The following SVOP variants were observed in gnomAD, a reference collection of about 807,000 sequenced individuals.
SVOP encodes synaptic vesicle 2-related protein.
In SVOP, 17 loss-of-function variants were observed where a neutral mutation model predicts 69.1. The observed-to-expected ratio is 0.25, with a 90% CI of 0.17 to 0.37. The LOEUF (loss-of-function observed/expected upper bound fraction) is 0.37. Among genes scored for constraint, SVOP ranks in the 10% least tolerant of loss-of-function variants. The pLI is 1.00. For synonymous variants in SVOP, 238 were observed against 238.6 expected (o/e 1.00, Z 0.02); for missense variants, 435 against 597.5 (o/e 0.73, Z 2.84).
At chr12:108,994,659 A>G (rs1215804432) in intron 1 of SVOP, among the ~76,000 whole-genome samples, 1 of 152,234 alleles carries the variant, frequency 6.6e-6, no homozygotes, top group African/African-American at 2.4e-5. Context: ...GCCCAAGGTC[A>G]CACAGTAAGT....
In SVOP at chr12:108,969,950, T is replaced by G. The variant is rs567786421; in HGVS notation, c.453+2455A>C. ...GGAGCCCCAGAGAGGCCTTTCCAAC[T>G]GCCATCTCCAGCCCCATCACCGGCC... On this transcript the variant is annotated intron_variant, in intron 5 of 15. Coordinates refer to ENST00000610966, the MANE Select transcript of SVOP (RefSeq NM_018711.5). Among the ~76,000 whole-genome samples, 263 of 152,260 alleles carry G rather than the reference T, an allele frequency of 1.7e-3. 1 individual carries two copies. Among genetic ancestry groups the G allele is most frequent in the African/African-American group, 6.1e-3 (253 of 41,560 alleles).
At chr12:108,932,891 G>GT (rs1347446120) in intron 11 of SVOP, among the ~76,000 whole-genome samples, 1 of 150,416 alleles carries the variant, frequency 6.6e-6, no homozygotes, top group Non-Finnish European at 1.5e-5. Flanking sequence ...TTTTTTTTTC[G>GT]TTTTTGAAAT....
intron 1 of SVOP, among the ~76,000 whole-genome samples, chr12:108,996,969 G>A (rs1003439234): frequency 4.6e-5 from 7 of 151,932 alleles, no homozygotes; most frequent in South Asian, 2.1e-4. Context: ...CAAGATGGCC[G>A]AATAGGAACA....
intron 1 of SVOP, among the ~76,000 whole-genome samples, chr12:108,995,708 C>G (rs1302186681): frequency 6.6e-6 from 1 of 152,034 alleles, no homozygotes; most frequent in African/African-American, 2.4e-5. Flanking sequence ...TGAAACCAGC[C>G]TGGCCAACAT....
At chr12:108,943,803 C>T (rs1159392213) in intron 7 of SVOP, among the ~76,000 whole-genome samples, 3 of 150,776 alleles carry the variant, frequency 2.0e-5, no homozygotes, top group Non-Finnish European at 4.4e-5. Context: ...TTCTTCTTCT[C>T]TTTCTCCTCC....
chr12:108,950,351 C>G (rs998610785), intron 6 of SVOP, among the ~76,000 whole-genome samples: 1 of 150,522 alleles, frequency 6.6e-6, no homozygotes, highest in African/African-American at 2.4e-5. Context: ...AGTGCTGGAA[C>G]TACAGGCATG....
intron 9 of SVOP, 106 bp from the exon 10 acceptor site, chr12:108,937,443 A>T (rs1281374867): frequency 3.7e-6 from 4 of 1,077,556 alleles, no homozygotes; most frequent in African/African-American, 3.1e-5. Flanking sequence ...GAAGGTTTCT[A>T]GTAAGTAGGA....
chr12:108,976,837 A>G (rs903152726), intron 4 of SVOP, among the ~76,000 whole-genome samples: 1 of 151,226 alleles, frequency 6.6e-6, no homozygotes, highest in Non-Finnish European at 1.5e-5. Context: ...CTGGTCTCGA[A>G]CTCCTGACCT....
intron 4 of SVOP, among the ~76,000 whole-genome samples, chr12:108,975,130 A>G (rs1203826247): frequency 2.0e-5 from 3 of 152,230 alleles, no homozygotes; most frequent in African/African-American, 7.2e-5. Flanking sequence ...TTATGTGCTA[A>G]GTGATATTCT....
chr12:108,977,426 G>C lies in SVOP; in HGVS notation c.353C>G (p.Pro118Arg). 6.5e-7 allele frequency: 1 copy of C among 1,537,202 alleles called. No homozygotes were observed. The highest frequency in any genetic ancestry group is 1.2e-5 in the South Asian group (1 of 84,046). ...GGTCAGCAATGCCACCTGCCAGCTT[G>C]GGAGCCTCCACTCGCAATGCAGCTG... ...APQLHCEWRLPSWQVALLTSV... is the reference protein window; with the variant it reads ...APQLHCEWRLRSWQVALLTSV... The change falls in exon 4 of 16, where the codon CCA (proline) becomes CGA (arginine). Residue 118 changes from proline to arginine, a missense_variant. Coordinates refer to ENST00000610966, the MANE Select transcript of SVOP (RefSeq NM_018711.5).
At chr12:108,953,311 A>G (rs1350876258) in intron 6 of SVOP, among the ~76,000 whole-genome samples, 1 of 151,792 alleles carries the variant, frequency 6.6e-6, no homozygotes, top group Admixed American at 6.6e-5. Flanking sequence ...ACCACGCCCA[A>G]CTAATTTTGT....
At chr12:108,988,165 T>G (rs957302123) in intron 1 of SVOP, among the ~76,000 whole-genome samples, 1 of 152,118 alleles carries the variant, frequency 6.6e-6, no homozygotes, top group East Asian at 1.9e-4. Context: ...GCTAAAGCGA[T>G]CTACCCACCT....
intron 11 of SVOP, among the ~76,000 whole-genome samples, chr12:108,930,301 G>T (rs2039808617): frequency 6.6e-6 from 1 of 152,150 alleles, no homozygotes; most frequent in South Asian, 2.1e-4. Context: ...GAGACAGACT[G>T]GTACTGCCAA....
intron 9 of SVOP, 60 bp from the exon 10 acceptor site, chr12:108,937,397 C>T (rs1267443027): frequency 2.6e-6 from 4 of 1,529,634 alleles, no homozygotes; most frequent in South Asian, 2.2e-5. Flanking sequence ...GGGAGATGGG[C>T]TGGTGGCCTG....
chr12:108,980,151 C>T (rs1318736597), intron 2 of SVOP, among the ~76,000 whole-genome samples: 4 of 152,026 alleles, frequency 2.6e-5, no homozygotes, highest in Non-Finnish European at 1.5e-5. Flanking sequence ...GCACTCCAGC[C>T]TGGGTGACAG....
At chr12:108,951,276 C>T (rs963994958) in intron 6 of SVOP, among the ~76,000 whole-genome samples, 1 of 152,208 alleles carries the variant, frequency 6.6e-6, no homozygotes, top group Non-Finnish European at 1.5e-5. Context: ...AGGTTTCCCA[C>T]CGCAGCCGCT....
At chr12:109,012,474 A>G (rs1486310107) in intron 1 of SVOP, among the ~76,000 whole-genome samples, 1 of 152,228 alleles carries the variant, frequency 6.6e-6, no homozygotes, top group Non-Finnish European at 1.5e-5. Flanking sequence ...TAGCTATTTC[A>G]CAATTACACG....
rs1036022317 is a variant in SVOP at position 108,912,332 on chromosome 12, C to A, written c.*203G>T. ...AAGCTTTCACCACATATACAGAGAA[C>A]CCCCTAGAGCAAACATCTCCCCATC... On this transcript the variant is annotated 3_prime_UTR_variant, in exon 16 of 16. Coordinates refer to ENST00000610966, the MANE Select transcript of SVOP (RefSeq NM_018711.5). 12 of 1,435,542 alleles carry A rather than the reference C, an allele frequency of 8.4e-6. No individual in the cohort carries two copies. In the African/African-American group the frequency reaches 1.7e-4, roughly 21 times the overall value. 88.9% of individuals were successfully genotyped at this position (1,435,542 alleles called of 1,614,324 possible).
chr12:108,918,179 C>T, intron 13 of SVOP, 55 bp from the exon 14 acceptor site: 1 of 1,436,136 alleles, frequency 7.0e-7, no homozygotes, highest in Non-Finnish European at 9.4e-7. Flanking sequence ...CTTGTTTCAG[C>T]ATAGTCCTAT....
Sources: allele counts gnomAD v4.1 joint callset (sites outside exome capture counted in the v4.1 genomes callset), GRCh38; gene constraint gnomAD v4.1.1; transcripts MANE v1.5; gene names NCBI Gene and HGNC (gene_info 2026-07-23, HGNC 2026-07-21).